Variants in PEBP4 observed in about 807,000 individuals in gnomAD.
PEBP4 encodes phosphatidylethanolamine-binding protein 4.
PEBP4 carries 22 observed loss-of-function variants against 23.9 expected under a neutral mutation model. That is an observed-to-expected ratio of 0.92 (90% CI 0.66 to 1.31). The LOEUF (loss-of-function observed/expected upper bound fraction) is 1.31. PEBP4 is among the 40% of genes most tolerant of loss of function. The pLI is 0.00. For missense variants in PEBP4, 324 were observed against 281.7 expected, an observed-to-expected ratio of 1.15 and a Z score of -1.07; for synonymous variants, 112 against 99.3, an observed-to-expected ratio of 1.13 and a Z score of -0.76.
chr8:22,740,512 A>G (rs193263666), intron 4 of PEBP4, among the ~76,000 whole-genome samples: 2 of 152,298 alleles, frequency 1.3e-5, no homozygotes, highest in Admixed American at 6.5e-5. Flanking sequence ...AAGTCTGTGA[A>G]GCCCCTCAGC....
intron 4 of PEBP4, among the ~76,000 whole-genome samples, chr8:22,759,869 C>G (rs1160615825): frequency 6.6e-6 from 1 of 152,178 alleles, no homozygotes; most frequent in Non-Finnish European, 1.5e-5. Context: ...AAGGCAGCGT[C>G]TCAGTGGTTT....
At chr8:22,723,482 G>A (rs1229838203) in intron 6 of PEBP4, among the ~76,000 whole-genome samples, 1 of 152,012 alleles carries the variant, frequency 6.6e-6, no homozygotes, top group Non-Finnish European at 1.5e-5. Flanking sequence ...GCATAGGCAT[G>A]GTGATCCCGG....
At chr8:22,751,889 C>T (rs4872548) in intron 4 of PEBP4, among the ~76,000 whole-genome samples, 1 of 151,590 alleles carries the variant, frequency 6.6e-6, no homozygotes, top group African/African-American at 2.4e-5. Context: ...ACTCAACCAC[C>T]CTCTCTTTCT....
chr8:22,922,883 C>T lies in PEBP4; in HGVS notation c.132-2573G>A, dbSNP rs1449627676. Among the ~76,000 whole-genome samples the T allele has an allele frequency of 3.3e-5, 5 of 152,196 alleles. No homozygotes were observed. In the South Asian group the frequency reaches 1.0e-3, roughly 32 times the overall value. ...TGACAAGACTTGAAGGCACTCTAGA[C>T]AGTGGAGTGAAAAGATCAGGGGCCC... On this transcript the variant is annotated intron_variant, in intron 2 of 6. Transcript: ENST00000256404.
At chr8:22,791,617 C>T (rs1000320290) in intron 4 of PEBP4, among the ~76,000 whole-genome samples, 1 of 152,160 alleles carries the variant, frequency 6.6e-6, no homozygotes, top group African/African-American at 2.4e-5. Context: ...ACATATTTTA[C>T]GTACAAACAC....
intron 3 of PEBP4, among the ~76,000 whole-genome samples, chr8:22,906,822 G>A (rs1412736883): frequency 6.6e-6 from 1 of 152,222 alleles, no homozygotes; most frequent in African/African-American, 2.4e-5. Context: ...AAAGATTCCT[G>A]CCCTCATGGA....
At chr8:22,920,427 C>T (rs1809176291) in intron 2 of PEBP4, 117 bp from the exon 3 acceptor site, 1 of 1,193,464 alleles carries the variant, frequency 8.4e-7, no homozygotes, top group South Asian at 1.7e-5. Flanking sequence ...AATCCTAAAC[C>T]TGCCACTAAC....
intron 4 of PEBP4, among the ~76,000 whole-genome samples, chr8:22,809,254 A>T (rs1444928344): frequency 6.6e-6 from 1 of 152,192 alleles, no homozygotes; most frequent in Non-Finnish European, 1.5e-5. Flanking sequence ...ACGAGGAAAC[A>T]GATTCAGGGA....
intron 4 of PEBP4, among the ~76,000 whole-genome samples, chr8:22,751,150 G>A (rs1471699119): frequency 6.6e-6 from 1 of 152,208 alleles, no homozygotes; most frequent in Admixed American, 6.5e-5. Context: ...AATCCGTGCT[G>A]CAGGAGCTCC....
At chr8:22,807,898 C>T (rs11135680) in intron 4 of PEBP4, among the ~76,000 whole-genome samples, 1 of 133,708 alleles carries the variant, frequency 7.5e-6, no homozygotes, top group African/African-American at 2.6e-5. Flanking sequence ...CATCCATCCA[C>T]CCACCCAACC....
intron 6 of PEBP4, among the ~76,000 whole-genome samples, chr8:22,720,384 C>T (rs978676342): frequency 6.6e-6 from 1 of 152,120 alleles, no homozygotes. Flanking sequence ...CAAGGCATTG[C>T]GGGTCTGGGA....
At chr8:22,929,076 ATAG>A (rs1563265552), upstream of PEBP4, among the ~76,000 whole-genome samples, 1 of 152,344 alleles carries the variant, frequency 6.6e-6, no homozygotes, top group African/African-American at 2.4e-5. Context: ...ACAGAGTCTA[ATAG>A]TAGCCTCCTC....
At chr8:22,773,594 C>T (rs1482101526) in intron 4 of PEBP4, among the ~76,000 whole-genome samples, 1 of 152,146 alleles carries the variant, frequency 6.6e-6, no homozygotes, top group Non-Finnish European at 1.5e-5. Flanking sequence ...CCTGCTCATA[C>T]CCGAAGCTAG....
chr8:22,737,976 G>A (rs1804905965), intron 4 of PEBP4, among the ~76,000 whole-genome samples: 1 of 152,124 alleles, frequency 6.6e-6, no homozygotes, highest in Non-Finnish European at 1.5e-5. Flanking sequence ...CTGAGGATGG[G>A]GATGCTGCCT....
At chr8:22,792,134 C>A (rs1460894792) in intron 4 of PEBP4, among the ~76,000 whole-genome samples, 1 of 151,946 alleles carries the variant, frequency 6.6e-6, no homozygotes, top group African/African-American at 2.4e-5. Context: ...GCTGGGATTA[C>A]AGGGATAAGC....
At chr8:22,931,191 C>A (rs1358591561), upstream of PEBP4, among the ~76,000 whole-genome samples, 1 of 152,140 alleles carries the variant, frequency 6.6e-6, no homozygotes, top group Non-Finnish European at 1.5e-5. Flanking sequence ...CTGTAGTGAA[C>A]AAATTCCCCT....
chr8:22,745,454 C>T (rs1473102697), intron 4 of PEBP4: 1 of 152,264 alleles, frequency 6.6e-6, no homozygotes, highest in Non-Finnish European at 1.5e-5. Context: ...CTGAGACCTC[C>T]AGAGCCCCTG....
At chr8:22,795,338 G>A (rs1254275011) in intron 4 of PEBP4, among the ~76,000 whole-genome samples, 2 of 151,164 alleles carry the variant, frequency 1.3e-5, no homozygotes, top group Non-Finnish European at 1.5e-5. Context: ...ACCACTCCGG[G>A]CTAATTTTTT....
intron 3 of PEBP4, among the ~76,000 whole-genome samples, chr8:22,863,731 G>A (rs375129934): frequency 1.3e-5 from 2 of 152,168 alleles, no homozygotes; most frequent in East Asian, 3.9e-4. Context: ...TGCCCTCCAG[G>A]AGTACCAAGT....
Sources: gnomAD v4.1 joint callset for allele counts (sites outside exome capture counted in the v4.1 genomes callset) on GRCh38, gnomAD v4.1.1 for gene constraint, MANE v1.5 for transcripts, NCBI Gene and HGNC (gene_info 2026-07-23, HGNC 2026-07-21) for gene names.